CHD9: variants seen among roughly 807,000 people sequenced by gnomAD.
The protein encoded by CHD9 is chromodomain helicase DNA binding protein 9, also known as ATP-dependent chromatin remodeler CHD9.
Under a neutral mutation model 316.1 loss-of-function variants are expected in CHD9, and 77 were observed. The ratio of observed to expected loss-of-function variants is 0.24; its 90% CI spans 0.20 to 0.29. The LOEUF is 0.29. CHD9 is among the 10% of genes least tolerant of loss of function. The probability of loss-of-function intolerance (pLI) is 1.00; values close to 1 mark genes in which losing one functional copy is unlikely to be tolerated. For synonymous variants in CHD9, 1,129 were observed against 1,158.3 expected, an observed-to-expected ratio of 0.97 and a Z score of 0.51; for missense variants, 2,763 against 3,438.1, an observed-to-expected ratio of 0.80 and a Z score of 4.91.
intron 37 of CHD9, chr16:53,320,050 C>A: frequency 4.8e-6 from 1 of 207,628 alleles, no homozygotes; most frequent in Non-Finnish European, 8.5e-6. Flanking sequence ...GTGGTGCACA[C>A]CTGTAGTCCT....
At chr16:53,064,999 G>C (rs765701757) in intron 1 of CHD9, among the ~76,000 whole-genome samples, 2 of 151,386 alleles carry the variant, frequency 1.3e-5, no homozygotes, top group Non-Finnish European at 2.9e-5. Context: ...GAGAGAGAAA[G>C]AAAAAGAGAG....
chr16:53,123,993 G>A (rs940921686), intron 1 of CHD9, among the ~76,000 whole-genome samples: 6 of 152,002 alleles, frequency 3.9e-5, no homozygotes, highest in African/African-American at 1.5e-4. Context: ...TGTTTATCCA[G>A]TCATCAGCTG....
intron 29 of CHD9, among the ~76,000 whole-genome samples, chr16:53,294,791 AC>A (rs1188816755): frequency 2.0e-5 from 3 of 152,064 alleles, no homozygotes; most frequent in African/African-American, 7.2e-5. Flanking sequence ...AGCATTTGTG[AC>A]CATCTTTAAT....
chr16:53,060,835 C>A (rs946631013), intron 1 of CHD9, among the ~76,000 whole-genome samples: 6 of 151,718 alleles, frequency 4.0e-5, no homozygotes, highest in South Asian at 2.1e-4. Flanking sequence ...GGGGGAGGAT[C>A]ACTTCAGACC....
chr16:53,185,783 C>T lies in CHD9; in HGVS notation c.1453-23699C>T, dbSNP rs147960181. Among the ~76,000 whole-genome samples the T allele has an allele frequency of 8.5e-5, 13 of 152,358 alleles. No individual in the cohort carries two copies. The East Asian group carries it at 2.3e-3, about 27-fold the overall frequency. Reference sequence around the variant, plus strand: ...TCCAGCCCTGGCTAAGAGGGGCCAACGTACAGCTCAGGCTGTTGCTTCAGA... The same window carrying T: ...TCCAGCCCTGGCTAAGAGGGGCCAATGTACAGCTCAGGCTGTTGCTTCAGA... On this transcript the variant is annotated intron_variant, in intron 2 of 38. Transcript: ENST00000447540.
In CHD9 at chr16:53,287,947, A is replaced by G. The variant is rs1439091609; in HGVS notation, c.5190-10A>G. On this transcript the variant is annotated splice_polypyrimidine_tract_variant and intron_variant, in intron 26 of 38. Transcript: ENST00000447540. Reference sequence around the variant, plus strand: ...TACAGTAATTATAGCATTTGTTTGTATTTTAACAGGGATGTGGAAGATCCA... The same window carrying G: ...TACAGTAATTATAGCATTTGTTTGTGTTTTAACAGGGATGTGGAAGATCCA... 3 of 1,601,616 alleles carry G rather than the reference A, an allele frequency of 1.9e-6. No homozygotes were observed. The highest frequency in any genetic ancestry group is 2.6e-6 in the Non-Finnish European group (3 of 1,168,814).
intron 29 of CHD9, among the ~76,000 whole-genome samples, chr16:53,294,693 C>T (rs914943583): frequency 6.6e-6 from 1 of 152,142 alleles, no homozygotes; most frequent in Admixed American, 6.5e-5. Flanking sequence ...ACTTTTGCCA[C>T]CCTCTGTTGG....
intron 1 of CHD9, among the ~76,000 whole-genome samples, chr16:53,093,093 A>G (rs1052512217): frequency 6.6e-6 from 1 of 152,196 alleles, no homozygotes; most frequent in Non-Finnish European, 1.5e-5. Context: ...CTGCACTTTA[A>G]TATTGGATTC....
At chr16:53,286,199 T>C (rs763080342) in intron 25 of CHD9, 27 bp from the exon 26 acceptor site, 1 of 1,333,744 alleles carries the variant, frequency 7.5e-7, no homozygotes, top group Non-Finnish European at 1.1e-6. Flanking sequence ...TTATCTTTTT[T>C]ACTTTTGTAA....
At chr16:53,126,444 T>G (rs1345928936) in intron 1 of CHD9, among the ~76,000 whole-genome samples, 1 of 152,232 alleles carries the variant, frequency 6.6e-6, no homozygotes, top group East Asian at 1.9e-4. Flanking sequence ...CCACACTGTC[T>G]TGATTATTAT....
At chr16:53,225,590 AT>A (rs1456150372) in intron 4 of CHD9, among the ~76,000 whole-genome samples, 1 of 152,106 alleles carries the variant, frequency 6.6e-6, no homozygotes, top group Non-Finnish European at 1.5e-5. Context: ...AATTACTTAG[AT>A]TATTTAAAAA....
chr16:53,310,213 A>C (rs1242228402), intron 34 of CHD9, among the ~76,000 whole-genome samples: 1 of 152,236 alleles, frequency 6.6e-6, no homozygotes, highest in African/African-American at 2.4e-5. Flanking sequence ...CACTTCAAAT[A>C]TGAATCACCC....
rs200249634 is a variant in CHD9, at chr16:53,127,033, C to T, written c.-164-28893C>T. On this transcript the variant is annotated intron_variant, in intron 1 of 38. Coordinates refer to ENST00000447540, the MANE Select transcript of CHD9 (RefSeq NM_001308319.2). ...GCAGTGGCGTGATCACAGCCCACTA[C>T]AGCCTCAACCTCCTGGGCTCAAGTG... 2.0e-5 allele frequency among the ~76,000 whole-genome samples: 3 copies of T among 152,096 alleles called. No homozygotes were observed. The East Asian group carries it at 5.8e-4, about 29-fold the overall frequency.
At chr16:53,069,680 A>G (rs1458400891) in intron 1 of CHD9, among the ~76,000 whole-genome samples, 1 of 152,194 alleles carries the variant, frequency 6.6e-6, no homozygotes, top group Non-Finnish European at 1.5e-5. Flanking sequence ...GCTATTGTGA[A>G]TAACACTGCT....
At chr16:53,144,686 C>T (rs2040420808) in intron 1 of CHD9, among the ~76,000 whole-genome samples, 2 of 151,866 alleles carry the variant, frequency 1.3e-5, no homozygotes, top group Non-Finnish European at 2.9e-5. Context: ...CCACTATGCC[C>T]AGCTAATTTT....
At chr16:53,192,066 C>CAA (rs563995905) in intron 2 of CHD9, among the ~76,000 whole-genome samples, 59 of 69,772 alleles carry the variant, frequency 8.5e-4, no homozygotes, top group African/African-American at 1.2e-3. Flanking sequence ...GACTCCATCT[C>CAA]AAAAAAAAAA....
At chr16:53,296,688 G>A (rs11860234) in intron 29 of CHD9, among the ~76,000 whole-genome samples, 5,703 of 151,744 alleles carry the variant, frequency 0.038, 371 homozygotes, top group African/African-American at 0.13. Flanking sequence ...CTTGCGATCC[G>A]CCCGCCTCGG....
chr16:53,166,591 C>T (rs8052239), intron 2 of CHD9, among the ~76,000 whole-genome samples: 5,731 of 152,114 alleles, frequency 0.038, 375 homozygotes, highest in African/African-American at 0.13. Flanking sequence ...ATGATTGTAA[C>T]ATTAATACAA....
Position 53,291,812 on chromosome 16 carries a change from A to G in CHD9, c.5290+45A>G, listed in dbSNP as rs575267369. The G allele has an allele frequency of 3.6e-5, 42 of 1,178,720 alleles. No homozygotes were observed. The South Asian group carries it at 6.3e-4, about 18-fold the overall frequency. 73.0% of individuals were successfully genotyped at this position (1,178,720 alleles called of 1,614,324 possible). On this transcript the variant is annotated intron_variant, in intron 28 of 38. Coordinates refer to ENST00000447540, the MANE Select transcript of CHD9 (RefSeq NM_001308319.2). ...GTACTTAGTATTATTGTAAATTCAC[A>G]TTCTAATCATACCATGAGATCAGTA...
Sources: allele counts gnomAD v4.1 joint callset (sites outside exome capture counted in the v4.1 genomes callset), GRCh38; gene constraint gnomAD v4.1.1; transcripts MANE v1.5; gene names NCBI Gene and HGNC (gene_info 2026-07-23, HGNC 2026-07-21).